The following BMPR1A variants were observed in gnomAD, a reference collection of about 807,000 sequenced individuals.
The protein encoded by BMPR1A is bone morphogenetic protein receptor type-1A.
A neutral mutation model predicts 66.0 loss-of-function variants in BMPR1A; 7 were observed. The observed-to-expected ratio is 0.11, with a 90% confidence interval of 0.06 to 0.20. The LOEUF (loss-of-function observed/expected upper bound fraction) is 0.20, where lower values mean the gene tolerates loss of function less well. Among genes scored for constraint, BMPR1A ranks in the 10% least tolerant of loss-of-function variants. BMPR1A has a pLI of 1.00. For synonymous variants in BMPR1A, 200 were observed against 229.7 expected (o/e 0.87, Z 1.17); for missense variants, 408 against 669.1 (o/e 0.61, Z 4.31).
At chr10:86,793,465 GC>G (rs1294682004) in intron 1 of BMPR1A, among the ~76,000 whole-genome samples, 5 of 151,522 alleles carry the variant, frequency 3.3e-5, no homozygotes, top group African/African-American at 1.2e-4. Context: ...CCGGATTCAA[GC>G]GATTCTCCTG....
intron 2 of BMPR1A, among the ~76,000 whole-genome samples, chr10:86,850,968 C>T (rs1180397219): frequency 3.3e-5 from 5 of 152,066 alleles, no homozygotes; most frequent in East Asian, 1.9e-4. Flanking sequence ...TATAAAAAAC[C>T]GGTAAACTTA....
intron 1 of BMPR1A, among the ~76,000 whole-genome samples, chr10:86,777,219 A>C (rs1445735703): frequency 6.6e-6 from 1 of 152,186 alleles, no homozygotes; most frequent in African/African-American, 2.4e-5. Context: ...CTCTATTAAG[A>C]ACCGCAGTTG....
At chr10:86,918,405 C>T (rs1054018271) in intron 9 of BMPR1A, among the ~76,000 whole-genome samples, 2 of 152,090 alleles carry the variant, frequency 1.3e-5, no homozygotes, top group Non-Finnish European at 2.9e-5. Context: ...TGGCAGTCAA[C>T]GAGCCAGACT....
intron 1 of BMPR1A, among the ~76,000 whole-genome samples, chr10:86,764,409 G>C (rs562072945): frequency 6.6e-6 from 1 of 152,164 alleles, no homozygotes; most frequent in African/African-American, 2.4e-5. Context: ...AAATATAATC[G>C]CTGGGTGACA....
At chr10:86,878,973 TA>T (rs71477615) in intron 3 of BMPR1A, among the ~76,000 whole-genome samples, 7 of 151,382 alleles carry the variant, frequency 4.6e-5, no homozygotes, top group African/African-American at 1.5e-4. Flanking sequence ...TACAAATAAT[TA>T]AAAAAAAATT....
chr10:86,873,941 T>G (rs1786753520), intron 2 of BMPR1A, among the ~76,000 whole-genome samples: 1 of 152,220 alleles, frequency 6.6e-6, no homozygotes, highest in South Asian at 2.1e-4. Flanking sequence ...AAATGATACC[T>G]CACTGTAAAC....
chr10:86,912,376 C>T lies in BMPR1A; in HGVS notation c.667C>T (p.Pro223Ser), dbSNP rs1843504441. 6.2e-7 allele frequency: 1 copy of T among 1,613,908 alleles called. No individual in the cohort carries two copies. The highest frequency in any genetic ancestry group is 1.7e-5 in the Admixed American group (1 of 60,006). Reference sequence around the variant, plus strand: ...AAGTTCTGGTAGTGGGTCTGGACTACCTTTATTGGTAAGTTAAACGTTCCT... The same window carrying T: ...AAGTTCTGGTAGTGGGTCTGGACTATCTTTATTGGTAAGTTAAACGTTCCT... ...SQSSGSGSGL[P>S]LLVQRTIAKQ... is the part of the protein sequence containing the mutation. Residue 223 changes from proline to serine, a missense_variant, in exon 8 of 13, where the codon CCT becomes TCT. Pro to Ser is a moderately conservative substitution (Grantham distance 74). Coordinates refer to ENST00000372037, the MANE Select transcript of BMPR1A (RefSeq NM_004329.3).
chr10:86,800,518 A>G (rs112116083), intron 1 of BMPR1A, among the ~76,000 whole-genome samples: 11,485 of 152,204 alleles, frequency 0.075, 526 homozygotes, highest in Non-Finnish European at 0.081. Context: ...CAGTCTCCCA[A>G]GTAGCTGGGA....
chr10:86,796,804 T>G (rs1171460155), intron 1 of BMPR1A, among the ~76,000 whole-genome samples: 1 of 151,998 alleles, frequency 6.6e-6, no homozygotes, highest in Admixed American at 6.6e-5. Flanking sequence ...TGTATTTTCT[T>G]AGCAGAATAT....
Position 86,888,826 on chromosome 10 carries a change from CAAA to C in BMPR1A, c.68-1219_68-1217del, listed in dbSNP as rs11353145. Among the ~76,000 whole-genome samples the C allele has an allele frequency of 4.6e-3, 393 of 85,464 alleles. 1 individual carries two copies. Among genetic ancestry groups the C allele is most frequent in the African/African-American group, 0.013 (358 of 27,968 alleles). The allele number at this position is 85,464 out of a possible 152,430, so 56.1% of individuals were successfully genotyped here. On this transcript the variant is annotated intron_variant, in intron 3 of 12. Transcript: ENST00000372037. ...TGGGCAATAGCGTGAGACCATGTCT[CAAA>C]AAAAAAAAAAAAAAAAGTGAAAATT...
intron 1 of BMPR1A, among the ~76,000 whole-genome samples, chr10:86,835,491 C>T (rs1334103682): frequency 8.1e-6 from 1 of 123,804 alleles, no homozygotes; most frequent in Non-Finnish European, 1.6e-5. Flanking sequence ...GCAGAGGTTG[C>T]AGTGAGCTGA....
chr10:86,789,963 T>G (rs1483532715), intron 1 of BMPR1A, among the ~76,000 whole-genome samples: 1 of 150,580 alleles, frequency 6.6e-6, no homozygotes, highest in Admixed American at 6.6e-5. Flanking sequence ...GAGACCATCC[T>G]GGCTAACACA....
intron 1 of BMPR1A, among the ~76,000 whole-genome samples, chr10:86,763,637 T>C (rs1024152114): frequency 6.6e-6 from 1 of 152,206 alleles, no homozygotes; most frequent in Non-Finnish European, 1.5e-5. Context: ...GAGTATGGCT[T>C]ATGCCTGCGG....
intron 1 of BMPR1A, among the ~76,000 whole-genome samples, chr10:86,816,724 C>T (rs1240189245): frequency 6.6e-6 from 1 of 152,102 alleles, no homozygotes; most frequent in Non-Finnish European, 1.5e-5. Flanking sequence ...CAACAGAGCC[C>T]GATATTTAAG....
intron 1 of BMPR1A, among the ~76,000 whole-genome samples, chr10:86,806,290 T>C (rs1841888620): frequency 6.6e-6 from 1 of 152,186 alleles, no homozygotes. Flanking sequence ...CTCTTGTAAC[T>C]AGTAAGCAGT....
At chr10:86,918,013 C>A (rs1353573104) in intron 9 of BMPR1A, among the ~76,000 whole-genome samples, 1 of 152,154 alleles carries the variant, frequency 6.6e-6, no homozygotes, top group African/African-American at 2.4e-5. Flanking sequence ...TCTGAATACT[C>A]TAGAGGAGGA....
intron 1 of BMPR1A, among the ~76,000 whole-genome samples, chr10:86,814,901 T>A (rs1842014331): frequency 6.6e-6 from 1 of 152,164 alleles, no homozygotes; most frequent in Admixed American, 6.5e-5. Flanking sequence ...TTCTTCTGCC[T>A]CAGCCTCCCG....
chr10:86,889,730 C>G (rs1246571680), intron 3 of BMPR1A: 2 of 264,370 alleles, frequency 7.6e-6, no homozygotes, highest in Non-Finnish European at 1.5e-5. Context: ...CATGCTTTTC[C>G]CTGGTTAAAT....
chr10:86,925,407 A>G lies in BMPR1A; in HGVS notation c.*1688A>G, dbSNP rs977335316. The G allele has an allele frequency of 1.6e-4, 34 of 217,846 alleles. No homozygotes were observed. The highest frequency in any genetic ancestry group is 6.4e-4 in the Admixed American group (11 of 17,298). 13.5% of individuals were successfully genotyped at this position (217,846 alleles called of 1,614,324 possible). A position where few individuals can be genotyped will look rare whatever the true frequency, so the allele number is the denominator to read the frequency against. ...GTCCACCCATTACCAAAATTTGACT[A>G]TCATTTAAGGTTAAAACTTACAAAT... On this transcript the variant is annotated 3_prime_UTR_variant, in exon 13 of 13. Transcript: ENST00000372037.
Sources: gnomAD v4.1 joint callset for allele counts (sites outside exome capture counted in the v4.1 genomes callset) on GRCh38, gnomAD v4.1.1 for gene constraint, MANE v1.5 for transcripts, NCBI Gene and HGNC (gene_info 2026-07-23, HGNC 2026-07-21) for gene names.